RUNX2: variants seen among roughly 807,000 people sequenced by gnomAD.
RUNX2 encodes the protein RUNX family transcription factor 2, also known as runt-related transcription factor 2.
A neutral mutation model predicts 51.7 loss-of-function variants in RUNX2; 10 were observed. The ratio of observed to expected loss-of-function variants is 0.19; its 90% CI spans 0.12 to 0.33. The LOEUF is 0.33. RUNX2 is among the 10% of genes least tolerant of loss of function. The pLI is 1.00. For synonymous variants in RUNX2, 276 were observed against 273.6 expected (o/e 1.01, Z -0.09); for missense variants, 562 against 691.3 (o/e 0.81, Z 2.10).
chr6:45,438,848 A>G (rs1798763684), intron 5 of RUNX2, among the ~76,000 whole-genome samples: 1 of 152,150 alleles, frequency 6.6e-6, no homozygotes, highest in Non-Finnish European at 1.5e-5. Context: ...AGATTATTTG[A>G]TATATAAACC....
chr6:45,481,392 T>C (rs979802506), intron 5 of RUNX2, among the ~76,000 whole-genome samples: 2 of 152,234 alleles, frequency 1.3e-5, no homozygotes, highest in African/African-American at 2.4e-5. Context: ...CAGTGGGGTC[T>C]CTATAAGTGC....
intron 2 of RUNX2, among the ~76,000 whole-genome samples, chr6:45,358,493 T>G (rs1793644087): frequency 1.3e-5 from 2 of 152,186 alleles, no homozygotes; most frequent in East Asian, 3.8e-4. Context: ...TTGCAAATAT[T>G]TCCCCCTATA....
At chr6:45,345,010 G>A (rs1454613232) in intron 2 of RUNX2, among the ~76,000 whole-genome samples, 1 of 152,108 alleles carries the variant, frequency 6.6e-6, no homozygotes, top group Non-Finnish European at 1.5e-5. Flanking sequence ...TCAGAATTTA[G>A]CAAACTGATT....
At chr6:45,356,459 G>A (rs542597639) in intron 2 of RUNX2, among the ~76,000 whole-genome samples, 219 of 151,048 alleles carry the variant, frequency 1.4e-3, no homozygotes, top group Non-Finnish European at 2.7e-3. Flanking sequence ...GTGCAGTGGC[G>A]CAATCTCAGC....
chr6:45,531,222 G>T (rs910199096), intron 7 of RUNX2, among the ~76,000 whole-genome samples: 12 of 152,232 alleles, frequency 7.9e-5, no homozygotes, highest in African/African-American at 2.7e-4. Flanking sequence ...AGGCCTGTTG[G>T]CTATCATCCT....
chr6:45,529,921 G>A (rs1031100562), intron 7 of RUNX2, among the ~76,000 whole-genome samples: 5 of 152,096 alleles, frequency 3.3e-5, no homozygotes, highest in Admixed American at 3.3e-4. Context: ...TTAAGGCATT[G>A]GTACTGATCT....
intron 2 of RUNX2, among the ~76,000 whole-genome samples, chr6:45,404,431 C>T (rs1797790654): frequency 6.6e-6 from 1 of 152,182 alleles, no homozygotes; most frequent in African/African-American, 2.4e-5. Flanking sequence ...TCACTACTTC[C>T]TCCTCTGTGT....
At chr6:45,347,294 G>A (rs1348885674) in intron 2 of RUNX2, among the ~76,000 whole-genome samples, 1 of 152,050 alleles carries the variant, frequency 6.6e-6, no homozygotes, top group Non-Finnish European at 1.5e-5. Flanking sequence ...CGATTTCACT[G>A]ATATATATAT....
chr6:45,536,513 G>T (rs1582219823), intron 7 of RUNX2, among the ~76,000 whole-genome samples: 1 of 152,184 alleles, frequency 6.6e-6, no homozygotes, highest in African/African-American at 2.4e-5. Context: ...ATGGCCTCAG[G>T]GCTGTTGGAC....
At chr6:45,409,752 G>A (rs1333872698) in intron 2 of RUNX2, among the ~76,000 whole-genome samples, 2 of 152,060 alleles carry the variant, frequency 1.3e-5, no homozygotes, top group African/African-American at 4.8e-5. Context: ...AATTTAATAG[G>A]TTTATTTATT....
chr6:45,329,390 A>G (rs926250880), intron 2 of RUNX2, among the ~76,000 whole-genome samples: 1 of 152,020 alleles, frequency 6.6e-6, no homozygotes, highest in Non-Finnish European at 1.5e-5. Flanking sequence ...CAGCTGAAAT[A>G]AAATTATGAT....
chr6:45,373,252 C>T (rs1333381295), intron 2 of RUNX2, among the ~76,000 whole-genome samples: 1 of 152,078 alleles, frequency 6.6e-6, no homozygotes, highest in Non-Finnish European at 1.5e-5. Context: ...CCACGATTTT[C>T]ATGTTCATTA....
chr6:45,346,364 T>C (rs1244025302), intron 2 of RUNX2, among the ~76,000 whole-genome samples: 1 of 151,974 alleles, frequency 6.6e-6, no homozygotes, highest in Non-Finnish European at 1.5e-5. Context: ...CGAAGAAGGG[T>C]GAGAGGGTAG....
chr6:45,442,889 G>C lies in RUNX2; in HGVS notation c.685+4838G>C, dbSNP rs1798880082. On this transcript the variant is annotated intron_variant, in intron 5 of 8. Transcript: ENST00000647337. ...CTCAGCTGGAATGATGCAACAGCAG[G>C]CCCCACTGCATCTCTTTCCATATAA... Among the ~76,000 whole-genome samples the C allele has an allele frequency of 2.0e-5, 3 of 152,134 alleles. No individual in the cohort carries two copies. The South Asian group carries it at 6.2e-4, about 32-fold the overall frequency.
intron 2 of RUNX2, among the ~76,000 whole-genome samples, chr6:45,341,660 T>C (rs1789806903): frequency 6.6e-6 from 1 of 152,082 alleles, no homozygotes; most frequent in African/African-American, 2.4e-5. Context: ...AGGAATGAAA[T>C]GGCAAAATGT....
intron 2 of RUNX2, among the ~76,000 whole-genome samples, chr6:45,409,455 C>T (rs1797904516): frequency 6.6e-6 from 1 of 152,184 alleles, no homozygotes; most frequent in African/African-American, 2.4e-5. Context: ...ACAAGCTTCT[C>T]ATTTCTTTAT....
At chr6:45,387,231 T>G (rs1797369198) in intron 2 of RUNX2, among the ~76,000 whole-genome samples, 1 of 152,242 alleles carries the variant, frequency 6.6e-6, no homozygotes, top group Admixed American at 6.5e-5. Context: ...ATGGCAGTTT[T>G]GGACATATGT....
At position 45,485,697 on chromosome 6, in the gene RUNX2, G is replaced by GTGTATATATATATA. The variant is rs1219072282; in HGVS notation, c.686-6243_686-6242insGTATATATATATAT. 2.1e-3 allele frequency among the ~76,000 whole-genome samples: 218 copies of GTGTATATATATATA among 104,034 alleles called. 2 individuals carry two copies. Among genetic ancestry groups the GTGTATATATATATA allele is most frequent in the Middle Eastern group, 0.01 (2 of 194 alleles). 68.3% of individuals were successfully genotyped at this position (104,034 alleles called of 152,430 possible). A position where few individuals can be genotyped will look rare whatever the true frequency, so the allele number is the denominator to read the frequency against. On this transcript the variant is annotated intron_variant, in intron 5 of 8. Coordinates refer to ENST00000647337, the MANE Select transcript of RUNX2 (RefSeq NM_001024630.4). The stretch of plus-strand genomic sequence containing the variant: ...TATGTGTGTGTGTGTGTGTGTGTGT[G>GTGTATATATATATA]TATATATATATATATATATACACAT...
intron 2 of RUNX2, among the ~76,000 whole-genome samples, chr6:45,368,745 A>G (rs573595957): frequency 6.6e-6 from 1 of 152,290 alleles, no homozygotes; most frequent in East Asian, 1.9e-4. Context: ...AGACCTATGT[A>G]CTGATTTTGA....
Sources: allele counts gnomAD v4.1 joint callset (sites outside exome capture counted in the v4.1 genomes callset), GRCh38; gene constraint gnomAD v4.1.1; transcripts MANE v1.5; gene names NCBI Gene and HGNC (gene_info 2026-07-23, HGNC 2026-07-21).